Variants in RAPGEF2 observed in about 807,000 individuals in gnomAD.
RAPGEF2 encodes Rap guanine nucleotide exchange factor 2.
A neutral mutation model predicts 186.7 loss-of-function variants in RAPGEF2; 54 were observed. That is an observed-to-expected ratio of 0.29 (90% CI 0.23 to 0.36). The LOEUF is 0.36. Among genes scored for constraint, RAPGEF2 ranks in the 10% least tolerant of loss-of-function variants. The probability of loss-of-function intolerance (pLI) is 1.00; values close to 1 mark genes in which losing one functional copy is unlikely to be tolerated. For missense variants in RAPGEF2, 1,532 were observed against 2,045.0 expected (o/e 0.75, Z 4.84); for synonymous variants, 712 against 705.9 (o/e 1.01, Z -0.14).
At chr4:159,116,995 C>G (rs998922425) in intron 1 of RAPGEF2, among the ~76,000 whole-genome samples, 4 of 152,060 alleles carry the variant, frequency 2.6e-5, no homozygotes, top group Non-Finnish European at 5.9e-5. Context: ...CTATAACAAG[C>G]CTGCACATTC....
chr4:159,144,322 A>G (rs1280274975), intron 1 of RAPGEF2, among the ~76,000 whole-genome samples: 1 of 152,236 alleles, frequency 6.6e-6, no homozygotes, highest in Non-Finnish European at 1.5e-5. Context: ...GTTGGTGGAT[A>G]GTATTCCATT....
intron 7 of RAPGEF2, among the ~76,000 whole-genome samples, chr4:159,295,744 T>TGCGC (rs1268143258): frequency 3.0e-5 from 4 of 132,682 alleles, no homozygotes; most frequent in Non-Finnish European, 4.8e-5. Flanking sequence ...TGTGTGTGTG[T>TGCGC]GTGTGTGTGT....
At chr4:159,308,252 T>C (rs1763544787) in intron 8 of RAPGEF2, among the ~76,000 whole-genome samples, 1 of 152,190 alleles carries the variant, frequency 6.6e-6, no homozygotes, top group African/African-American at 2.4e-5. Context: ...TGCTTAAGTG[T>C]CAAAGCTATT....
At chr4:159,230,112 T>C (rs1752472529) in intron 4 of RAPGEF2, among the ~76,000 whole-genome samples, 1 of 152,170 alleles carries the variant, frequency 6.6e-6, no homozygotes, top group Non-Finnish European at 1.5e-5. Flanking sequence ...AGTGATCACA[T>C]TTTCATTCTG....
chr4:159,323,470 G>T lies in RAPGEF2; in HGVS notation c.1002G>T (p.Trp334Cys), dbSNP rs750447888. 5.0e-6 allele frequency: 8 copies of T among 1,602,314 alleles called. No homozygotes were observed. The Admixed American group carries it at 1.4e-4, about 27-fold the overall frequency. ...TTTTTTTGGATTAGCTGGACTCCTG[G>T]TCAGTGATTCTCAATGGATCTGTGG... ...VLNDGEELDS[W>C]SVILNGSVEV... Residue 334 changes from tryptophan (W) to cysteine (C), a missense_variant, in exon 11 of 30, where the codon TGG (tryptophan) becomes TGT (cysteine). Transcript: ENST00000691494.
chr4:159,292,819 G>A (rs1258682823), intron 7 of RAPGEF2, among the ~76,000 whole-genome samples: 2 of 152,096 alleles, frequency 1.3e-5, no homozygotes, highest in Non-Finnish European at 2.9e-5. Flanking sequence ...TAGAATATTT[G>A]TGTCTTGATA....
chr4:159,357,157 C>G (rs866655539), intron 29 of RAPGEF2, among the ~76,000 whole-genome samples: 55 of 152,086 alleles, frequency 3.6e-4, no homozygotes, highest in African/African-American at 1.3e-3. Context: ...GCCAGGAGTT[C>G]GAGACAAGCC....
intron 1 of RAPGEF2, among the ~76,000 whole-genome samples, chr4:159,184,311 C>G (rs953107151): frequency 6.6e-6 from 1 of 152,142 alleles, no homozygotes; most frequent in Admixed American, 6.6e-5. Context: ...CTTGAGGAAT[C>G]GCCACACTGT....
At chr4:159,176,670 A>G (rs1235103550) in intron 1 of RAPGEF2, among the ~76,000 whole-genome samples, 1 of 152,196 alleles carries the variant, frequency 6.6e-6, no homozygotes, top group Non-Finnish European at 1.5e-5. Context: ...AATATCCAAG[A>G]ACGGTGCTAA....
At chr4:159,250,784 T>G (rs1196859877) in intron 7 of RAPGEF2, among the ~76,000 whole-genome samples, 1 of 151,710 alleles carries the variant, frequency 6.6e-6, no homozygotes, top group Non-Finnish European at 1.5e-5. Context: ...CAGCCCTCGC[T>G]TGCTCTCGGC....
chr4:159,214,360 G>C (rs543848277), intron 4 of RAPGEF2, among the ~76,000 whole-genome samples: 8 of 152,150 alleles, frequency 5.3e-5, no homozygotes, highest in African/African-American at 1.9e-4. Context: ...ATTTTCAAAG[G>C]CATCATTTGC....
chr4:159,141,868 TA>T lies in RAPGEF2; in HGVS notation c.69+37640del, dbSNP rs201322549. On this transcript the variant is annotated intron_variant, in intron 1 of 29. Transcript: ENST00000691494. Reference sequence around the variant, plus strand: ...ACCAGTTTTACATTTACTTCAGTTATAAATAATTTATATTAAGTGGAGAGAC... The same window carrying T: ...ACCAGTTTTACATTTACTTCAGTTATAATAATTTATATTAAGTGGAGAGAC... 6.4e-3 allele frequency among the ~76,000 whole-genome samples: 981 copies of T among 152,326 alleles called. 5 individuals carry two copies. The highest frequency in any genetic ancestry group is 9.7e-3 in the Non-Finnish European group (660 of 68,024).
intron 11 of RAPGEF2, among the ~76,000 whole-genome samples, chr4:159,324,408 G>T (rs1765652569): frequency 6.6e-6 from 1 of 152,098 alleles, no homozygotes; most frequent in South Asian, 2.1e-4. Context: ...CATTTTACTT[G>T]AACTGCACGT....
At chr4:159,276,052 C>T (rs376003467) in intron 7 of RAPGEF2, among the ~76,000 whole-genome samples, 9 of 152,120 alleles carry the variant, frequency 5.9e-5, no homozygotes, top group African/African-American at 2.2e-4. Flanking sequence ...AATACTTAAA[C>T]CTTAGGTACT....
intron 4 of RAPGEF2, among the ~76,000 whole-genome samples, chr4:159,219,781 C>T (rs553156374): frequency 9.5e-4 from 144 of 152,298 alleles, no homozygotes; most frequent in African/African-American, 2.7e-3. Flanking sequence ...CAAGAGATTC[C>T]TTACCTTAGT....
intron 3 of RAPGEF2, among the ~76,000 whole-genome samples, chr4:159,206,670 C>T (rs1750023796): frequency 6.6e-6 from 1 of 152,322 alleles, no homozygotes; most frequent in South Asian, 2.1e-4. Flanking sequence ...CACACGGAAA[C>T]TCTGCCTGCC....
chr4:159,290,264 T>A (rs1761030957), intron 7 of RAPGEF2, among the ~76,000 whole-genome samples: 2 of 152,240 alleles, frequency 1.3e-5, no homozygotes, highest in African/African-American at 4.8e-5. Context: ...GAATTGAGGC[T>A]GTGTAACTTC....
intron 3 of RAPGEF2, among the ~76,000 whole-genome samples, chr4:159,196,103 T>A (rs1406240282): frequency 2.0e-5 from 3 of 152,112 alleles, no homozygotes; most frequent in Non-Finnish European, 4.4e-5. Flanking sequence ...AAATTATGAT[T>A]TCATAAGGCC....
intron 1 of RAPGEF2, among the ~76,000 whole-genome samples, chr4:159,149,410 C>G (rs1248002447): frequency 6.6e-6 from 1 of 152,118 alleles, no homozygotes; most frequent in East Asian, 1.9e-4. Context: ...AGGTGCCTGC[C>G]ACCACACCCG....
Sources: gnomAD v4.1 joint callset for allele counts (sites outside exome capture counted in the v4.1 genomes callset) on GRCh38, gnomAD v4.1.1 for gene constraint, MANE v1.5 for transcripts, NCBI Gene and HGNC (gene_info 2026-07-23, HGNC 2026-07-21) for gene names.